The following EBF1 variants were observed in gnomAD, a reference collection of about 807,000 sequenced individuals.
EBF1 encodes transcription factor COE1.
In EBF1, 10 loss-of-function variants were observed where a neutral mutation model predicts 68.4. That is an observed-to-expected ratio of 0.15 (90% CI 0.09 to 0.25). EBF1 has a LOEUF of 0.25. Among genes scored for constraint, EBF1 ranks in the 10% least tolerant of loss-of-function variants. The probability of loss-of-function intolerance (pLI) is 1.00; values close to 1 mark genes in which losing one functional copy is unlikely to be tolerated. For missense variants in EBF1, 509 were observed against 794.4 expected, an observed-to-expected ratio of 0.64 and a Z score of 4.32; for synonymous variants, 298 against 299.8, an observed-to-expected ratio of 0.99 and a Z score of 0.06.
chr5:158,897,686 A>G (rs899484116), intron 6 of EBF1, among the ~76,000 whole-genome samples: 1 of 152,212 alleles, frequency 6.6e-6, no homozygotes, highest in African/African-American at 2.4e-5. Flanking sequence ...AACCACAAGC[A>G]ACAGAATTTC....
chr5:158,717,638 T>C (rs1315105818), intron 11 of EBF1, among the ~76,000 whole-genome samples: 1 of 152,126 alleles, frequency 6.6e-6, no homozygotes, highest in Non-Finnish European at 1.5e-5. Flanking sequence ...TTGGATTTTT[T>C]TTTTTTAAAA....
intron 6 of EBF1, among the ~76,000 whole-genome samples, chr5:159,005,932 C>T (rs954956597): frequency 3.9e-5 from 6 of 152,146 alleles, no homozygotes; most frequent in Non-Finnish European, 8.8e-5. Context: ...AAAATCAGTT[C>T]ACCTAATTGA....
At chr5:159,020,630 T>C (rs545053140) in intron 6 of EBF1, among the ~76,000 whole-genome samples, 184 of 152,322 alleles carry the variant, frequency 1.2e-3, no homozygotes, top group Non-Finnish European at 2.5e-3. Flanking sequence ...AAACTTTTAT[T>C]ATACTCATGA....
At chr5:159,016,123 T>C (rs1765574590) in intron 6 of EBF1, among the ~76,000 whole-genome samples, 1 of 152,198 alleles carries the variant, frequency 6.6e-6, no homozygotes. Flanking sequence ...AAAACCTCAG[T>C]AGAGGTTACT....
chr5:158,986,640 G>A (rs1369216135), intron 6 of EBF1, among the ~76,000 whole-genome samples: 1 of 152,214 alleles, frequency 6.6e-6, no homozygotes, highest in African/African-American at 2.4e-5. Flanking sequence ...CAAGCCAAAT[G>A]CATCTGAGGA....
At chr5:158,704,629 C>CT (rs80210765) in intron 15 of EBF1, among the ~76,000 whole-genome samples, 1,696 of 141,390 alleles carry the variant, frequency 0.012, 18 homozygotes, top group African/African-American at 0.033. Flanking sequence ...TCCTTTTTTT[C>CT]TTTTTTTTTT....
intron 6 of EBF1, among the ~76,000 whole-genome samples, chr5:158,844,110 G>C (rs1408557650): frequency 6.6e-6 from 1 of 150,938 alleles, no homozygotes; most frequent in Non-Finnish European, 1.5e-5. Flanking sequence ...AGCCCCTATT[G>C]ACCCTGTAGA....
intron 11 of EBF1, among the ~76,000 whole-genome samples, chr5:158,730,019 A>G (rs1763767664): frequency 6.6e-6 from 1 of 152,256 alleles, no homozygotes; most frequent in Admixed American, 6.5e-5. Flanking sequence ...GAGGTTCACC[A>G]AGCTAAGAAG....
At chr5:158,864,737 A>G (rs1795570283) in intron 6 of EBF1, among the ~76,000 whole-genome samples, 1 of 152,184 alleles carries the variant, frequency 6.6e-6, no homozygotes, top group Non-Finnish European at 1.5e-5. Flanking sequence ...AAATTATGAT[A>G]TATTGGCTGG....
chr5:159,004,059 T>C (rs1458533483), intron 6 of EBF1, among the ~76,000 whole-genome samples: 1 of 152,132 alleles, frequency 6.6e-6, no homozygotes, highest in Non-Finnish European at 1.5e-5. Context: ...GGCGGATCAC[T>C]TGAAGTTGGA....
chr5:158,909,333 C>T (rs1227129000), intron 6 of EBF1, among the ~76,000 whole-genome samples: 1 of 151,984 alleles, frequency 6.6e-6, no homozygotes, highest in East Asian at 1.9e-4. Flanking sequence ...TTCTGTTTGG[C>T]TGGTTTGGTT....
chr5:158,750,684 A>G (rs1216911926), intron 10 of EBF1, among the ~76,000 whole-genome samples: 1 of 152,120 alleles, frequency 6.6e-6, no homozygotes, highest in Non-Finnish European at 1.5e-5. Context: ...TATATTTTAT[A>G]GCATCATTTT....
At chr5:158,845,387 A>G (rs1289948102) in intron 6 of EBF1, among the ~76,000 whole-genome samples, 1 of 152,318 alleles carries the variant, frequency 6.6e-6, no homozygotes, top group Admixed American at 6.5e-5. Context: ...GTGACTTTAG[A>G]TAAATTATTT....
At chr5:158,869,451 C>T (rs772494631) in intron 6 of EBF1, among the ~76,000 whole-genome samples, 9 of 152,106 alleles carry the variant, frequency 5.9e-5, no homozygotes, top group Admixed American at 3.9e-4. Context: ...TACCCGCCCC[C>T]GACCTTTTAA....
At chr5:158,826,221 G>A (rs1394903998) in intron 7 of EBF1, among the ~76,000 whole-genome samples, 1 of 152,058 alleles carries the variant, frequency 6.6e-6, no homozygotes, top group Non-Finnish European at 1.5e-5. Flanking sequence ...AGAAACAGAT[G>A]ATGAGAATAC....
At position 158,941,371 on chromosome 5, in the gene EBF1, G is replaced by A. The variant is rs562855211; in HGVS notation, c.555-101261C>T. The stretch of plus-strand genomic sequence containing the variant: ...CAGAGGCAAAGGAACCAATACAATG[G>A]AACCATCTATAGTCAGAGCCTAATA... On this transcript the variant is annotated intron_variant, in intron 6 of 15. Transcript: ENST00000313708. 165 of 417,648 alleles carry A rather than the reference G, an allele frequency of 4.0e-4. 2 individuals carry two copies. Among genetic ancestry groups the A allele is most frequent in the South Asian group, 1.8e-3 (103 of 56,450 alleles). 25.9% of individuals were successfully genotyped at this position (417,648 alleles called of 1,614,324 possible).
intron 6 of EBF1, among the ~76,000 whole-genome samples, chr5:158,846,145 T>A (rs1791477775): frequency 6.6e-6 from 1 of 152,194 alleles, no homozygotes; most frequent in Admixed American, 6.5e-5. Context: ...CCCGCAGATA[T>A]TCAGGACACG....
intron 6 of EBF1, among the ~76,000 whole-genome samples, chr5:158,844,845 C>T (rs1371558304): frequency 6.6e-6 from 1 of 152,174 alleles, no homozygotes; most frequent in Non-Finnish European, 1.5e-5. Flanking sequence ...CATCACGGAA[C>T]TAACTGAACC....
intron 4 of EBF1, among the ~76,000 whole-genome samples, chr5:159,085,270 C>T (rs919171567): frequency 6.6e-6 from 1 of 152,040 alleles, no homozygotes; most frequent in Non-Finnish European, 1.5e-5. Context: ...AGGGAAAATC[C>T]CTCTTCCCAT....
Sources: gnomAD v4.1 joint callset for allele counts (sites outside exome capture counted in the v4.1 genomes callset) on GRCh38, gnomAD v4.1.1 for gene constraint, MANE v1.5 for transcripts, NCBI Gene and HGNC (gene_info 2026-07-23, HGNC 2026-07-21) for gene names.